SLC10A7: variants seen among roughly 807,000 people sequenced by gnomAD.
SLC10A7 encodes the protein sodium/bile acid cotransporter 7.
In SLC10A7, 29 loss-of-function variants were observed where a neutral mutation model predicts 43.2. The ratio of observed to expected loss-of-function variants is 0.67; its 90% CI spans 0.50 to 0.92. SLC10A7 has a LOEUF of 0.92. Among genes scored for constraint, SLC10A7 ranks in the 40% least tolerant of loss-of-function variants. The pLI, the probability that SLC10A7 is intolerant of heterozygous loss-of-function variation, is 0.00. For synonymous variants in SLC10A7, 152 were observed against 144.8 expected (o/e 1.05, Z -0.35); for missense variants, 295 against 403.2 (o/e 0.73, Z 2.30).
Position 146,379,078 on chromosome 4 carries a change from C to T in SLC10A7, c.436-53082G>A, listed in dbSNP as rs569341063. On this transcript the variant is annotated intron_variant, in intron 5 of 11. Transcript: ENST00000335472. ...TGACCCAACTTCTGACCTCAATGTC[C>T]ACTTCCTGTGGAGAGTGTCTGAACT... Among the ~76,000 whole-genome samples, 6 of 152,286 alleles carry T rather than the reference C, an allele frequency of 3.9e-5. No homozygotes were observed. The South Asian group carries it at 6.2e-4, about 16-fold the overall frequency.
intron 5 of SLC10A7, among the ~76,000 whole-genome samples, chr4:146,338,362 A>G (rs1734031889): frequency 6.6e-6 from 1 of 151,924 alleles, no homozygotes; most frequent in Non-Finnish European, 1.5e-5. Flanking sequence ...GAAAGCTGCC[A>G]CTACAATTCT....
At chr4:146,355,922 G>A (rs1262053246) in intron 5 of SLC10A7, among the ~76,000 whole-genome samples, 1 of 149,948 alleles carries the variant, frequency 6.7e-6, no homozygotes, top group Non-Finnish European at 1.5e-5. Context: ...ATAGCACTGG[G>A]AGACATACCT....
Position 146,305,981 on chromosome 4 carries a change from G to A in SLC10A7, c.500C>T (p.Thr167Ile), listed in dbSNP as rs2149681892. 1.2e-6 allele frequency: 2 copies of A among 1,610,090 alleles called. No homozygotes were observed. The highest frequency in any genetic ancestry group is 1.1e-5 in the South Asian group (1 of 90,264). Residue 167 changes from threonine (T) to isoleucine (I), a missense_variant, in exon 7 of 12, where the codon ACA becomes ATA. Physicochemically the swap from Thr to Ile is moderately conservative, Grantham distance 89 (BLOSUM62 -1). Transcript: ENST00000335472. ...CATAAAAAGCTGAGAAAAAATAGAT[G>A]TGAAAGGCACAGAAGAAGATGAACC... is the stretch of plus-strand genomic sequence containing the variant. ...FLGSSSSVPF[T>I]SIFSQLFMTV...
chr4:146,396,998 A>ATG (rs1385161736), intron 5 of SLC10A7, among the ~76,000 whole-genome samples: 1 of 152,178 alleles, frequency 6.6e-6, no homozygotes, highest in East Asian at 1.9e-4. Context: ...AATCTAATAT[A>ATG]TGCCAAATTA....
At position 146,359,731 on chromosome 4, in the gene SLC10A7, G is replaced by A. The variant is rs75130512; in HGVS notation, c.436-33735C>T. On this transcript the variant is annotated intron_variant, in intron 5 of 11. Transcript: ENST00000335472. ...ACAATCCTCCTAGTGAGTATGTGAG[G>A]CACTCCTGATTTAACAGCTAAATTG... Among the ~76,000 whole-genome samples, 616 of 152,164 alleles carry A rather than the reference G, an allele frequency of 4.0e-3. 3 individuals are homozygous for A. Among genetic ancestry groups the A allele is most frequent in the African/African-American group, 0.014 (585 of 41,518 alleles).
At chr4:146,424,941 T>C (rs1031728324) in intron 5 of SLC10A7, among the ~76,000 whole-genome samples, 1 of 152,308 alleles carries the variant, frequency 6.6e-6, no homozygotes, top group Non-Finnish European at 1.5e-5. Flanking sequence ...GTCATAATTA[T>C]GTAAATTTTA....
At chr4:146,325,485 T>C (rs537658393) in intron 6 of SLC10A7, among the ~76,000 whole-genome samples, 182 of 152,108 alleles carry the variant, frequency 1.2e-3, no homozygotes, top group African/African-American at 4.0e-3. Flanking sequence ...ATGGAGGAGG[T>C]GTTACTTCCC....
At chr4:146,453,629 T>A (rs1219935342) in intron 4 of SLC10A7, among the ~76,000 whole-genome samples, 1 of 152,006 alleles carries the variant, frequency 6.6e-6, no homozygotes. Context: ...ATAACCTACA[T>A]TGTGCTGAGG....
chr4:146,426,173 G>A (rs1729339899), intron 5 of SLC10A7, among the ~76,000 whole-genome samples: 1 of 152,106 alleles, frequency 6.6e-6, no homozygotes, highest in South Asian at 2.1e-4. Flanking sequence ...ACTTTTTCCT[G>A]ACAATCAGGT....
chr4:146,397,748 A>G (rs1738937405), intron 5 of SLC10A7, among the ~76,000 whole-genome samples: 1 of 152,244 alleles, frequency 6.6e-6, no homozygotes, highest in African/African-American at 2.4e-5. Flanking sequence ...AAGAACTGCA[A>G]CAGGATGCCC....
At chr4:146,263,478 A>T (rs1728362092) in intron 10 of SLC10A7, among the ~76,000 whole-genome samples, 1 of 152,222 alleles carries the variant, frequency 6.6e-6, no homozygotes, top group Non-Finnish European at 1.5e-5. Flanking sequence ...ACATTTGTTA[A>T]TTAGAAAAAA....
At chr4:146,515,591 A>G (rs1467940551) in intron 2 of SLC10A7, among the ~76,000 whole-genome samples, 3 of 152,188 alleles carry the variant, frequency 2.0e-5, no homozygotes, top group Admixed American at 2.0e-4. Flanking sequence ...TAGACACTAC[A>G]CAATGATCCT....
chr4:146,400,573 G>C (rs1199482090), intron 5 of SLC10A7, among the ~76,000 whole-genome samples: 4 of 152,106 alleles, frequency 2.6e-5, no homozygotes, highest in African/African-American at 7.2e-5. Context: ...CTAGATGTGA[G>C]GCACTGTGGT....
chr4:146,444,595 A>T (rs1336416215), intron 4 of SLC10A7, among the ~76,000 whole-genome samples: 1 of 152,124 alleles, frequency 6.6e-6, no homozygotes, highest in Non-Finnish European at 1.5e-5. Context: ...CTCTTCTTTA[A>T]CCCAAACGCA....
At chr4:146,348,602 G>A (rs933001538) in intron 5 of SLC10A7, among the ~76,000 whole-genome samples, 14 of 152,218 alleles carry the variant, frequency 9.2e-5, no homozygotes, top group African/African-American at 3.4e-4. Context: ...ACATCTAAGA[G>A]TCATGTTTTC....
In SLC10A7 at chr4:146,290,064, C is replaced by A. The variant is rs1334979621; in HGVS notation, c.773+2865G>T. Among the ~76,000 whole-genome samples the A allele has an allele frequency of 2.0e-5, 3 of 149,496 alleles. No individual in the cohort carries two copies. In the East Asian group the frequency reaches 6.0e-4, roughly 30 times the overall value. On this transcript the variant is annotated intron_variant, in intron 9 of 11. Transcript: ENST00000335472. The stretch of plus-strand genomic sequence containing the variant: ...CTTGGGCTGGGCGTGGTGGCTCACG[C>A]CTGTAATCCCAGCACTTTGGGAGGC...
chr4:146,328,227 C>T (rs964584980), intron 5 of SLC10A7, among the ~76,000 whole-genome samples: 3 of 152,220 alleles, frequency 2.0e-5, no homozygotes, highest in Admixed American at 6.5e-5. Flanking sequence ...CCCACCAGCA[C>T]CCATGTGCAC....
intron 3 of SLC10A7, among the ~76,000 whole-genome samples, chr4:146,506,236 G>C (rs1272586229): frequency 6.6e-6 from 1 of 152,022 alleles, no homozygotes; most frequent in African/African-American, 2.4e-5. Context: ...ACTCCAGCTG[G>C]GCAGCAGAGT....
At chr4:146,356,283 C>T (rs1735623781) in intron 5 of SLC10A7, among the ~76,000 whole-genome samples, 1 of 151,964 alleles carries the variant, frequency 6.6e-6, no homozygotes, top group Non-Finnish European at 1.5e-5. Flanking sequence ...TTTCAGTTTC[C>T]TGTTTACTAT....
Sources: allele counts gnomAD v4.1 joint callset (sites outside exome capture counted in the v4.1 genomes callset), GRCh38; gene constraint gnomAD v4.1.1; transcripts MANE v1.5; gene names NCBI Gene and HGNC (gene_info 2026-07-23, HGNC 2026-07-21).